The following VPS13C variants were observed in gnomAD, a reference collection of about 807,000 sequenced individuals.
VPS13C encodes the protein vacuolar protein sorting 13 homolog C, also known as intermembrane lipid transfer protein VPS13C.
VPS13C carries 358 observed loss-of-function variants against 456.8 expected under a neutral mutation model. The observed-to-expected ratio is 0.78, with a 90% CI of 0.72 to 0.86. The LOEUF is 0.86. Among genes scored for constraint, VPS13C ranks in the 40% least tolerant of loss-of-function variants. The pLI, the probability that VPS13C is intolerant of heterozygous loss-of-function variation, is 0.00. For missense variants in VPS13C, 4,818 were observed against 4,385.4 expected, an observed-to-expected ratio of 1.10 and a Z score of -2.79; for synonymous variants, 1,578 against 1,486.7, an observed-to-expected ratio of 1.06 and a Z score of -1.41.
At chr15:61,972,026 T>C (rs182361511) in intron 27 of VPS13C, among the ~76,000 whole-genome samples, 150 of 152,330 alleles carry the variant, frequency 9.8e-4, no homozygotes, top group African/African-American at 3.0e-3. Flanking sequence ...CAGGCATGTA[T>C]AAAAACCTGT....
At chr15:62,023,568 T>C (rs1457844756) in intron 7 of VPS13C, 48 bp from the exon 8 acceptor site, 25 of 1,380,726 alleles carry the variant, frequency 1.8e-5, no homozygotes, top group Non-Finnish European at 2.1e-5. Flanking sequence ...AATTCTCATA[T>C]ACCTCAAAAT....
At chr15:61,934,107 T>C in intron 49 of VPS13C, 112 bp downstream of exon 49, 4 of 565,478 alleles carry the variant, frequency 7.1e-6, no homozygotes, top group South Asian at 9.4e-5. Flanking sequence ...TAGAATTTTA[T>C]AGACATATTA....
At chr15:62,013,804 G>A (rs968267962) in intron 10 of VPS13C, 129 bp downstream of exon 10, 2 of 611,864 alleles carry the variant, frequency 3.3e-6, no homozygotes, top group Admixed American at 6.1e-5. Context: ...GTAAGTAGCA[G>A]GGCCAAAACT....
chr15:62,022,726 T>C (rs1173642305), intron 8 of VPS13C, among the ~76,000 whole-genome samples: 1 of 151,950 alleles, frequency 6.6e-6, no homozygotes, highest in Non-Finnish European at 1.5e-5. Flanking sequence ...GAATGCAAAC[T>C]CATTTTTAGA....
At chr15:62,012,191 A>G in intron 11 of VPS13C, 27 bp from the exon 12 acceptor site, 1 of 1,389,548 alleles carries the variant, frequency 7.2e-7, no homozygotes, top group Non-Finnish European at 1.0e-6. Context: ...AATGAGAATG[A>G]AAAAGAAAAT....
At chr15:61,865,444 A>G in intron 81 of VPS13C, 1 of 984,666 alleles carries the variant, frequency 1.0e-6, no homozygotes, top group South Asian at 4.7e-5. Flanking sequence ...TAAAACTAAA[A>G]AGCAAGAAAT....
At position 61,876,982 on chromosome 15, in the gene VPS13C, G is replaced by T. The variant is rs1895471158; in HGVS notation, c.10215C>A (p.Tyr3405Ter). The change falls in exon 75 of 85, where the codon TAC (tyrosine) becomes TAA (stop). Residue 3405 changes from tyrosine to a stop codon, truncating the protein, a stop_gained. Coordinates refer to ENST00000644861, the MANE Select transcript of VPS13C (RefSeq NM_020821.3). LOFTEE classifies it high-confidence loss of function. The part of the protein sequence containing the change: ...DQLIWSVVRH[Y>*]SEQFLKQMYV... ...TATGATAGGAAATTACCTGTTCACTGTAATGCCTAACAACACTCCATATAA... is the reference window on the plus strand; with the variant it reads ...TATGATAGGAAATTACCTGTTCACTTTAATGCCTAACAACACTCCATATAA... 6.2e-7 allele frequency: 1 copy of T among 1,603,340 alleles called. No homozygotes were observed. The highest frequency in any genetic ancestry group is 8.5e-7 in the Non-Finnish European group (1 of 1,174,302).
intron 9 of VPS13C, among the ~76,000 whole-genome samples, chr15:62,017,594 G>A (rs1444020271): frequency 1.3e-5 from 2 of 152,146 alleles, no homozygotes; most frequent in Non-Finnish European, 2.9e-5. Flanking sequence ...TCAGATAGTT[G>A]TAGATGTGTG....
chr15:62,011,975 T>C (rs1218499843), intron 12 of VPS13C, 132 bp downstream of exon 12: 1 of 564,236 alleles, frequency 1.8e-6, no homozygotes, highest in East Asian at 3.4e-5. Flanking sequence ...CCCAAACATG[T>C]TGTATCATAA....
chr15:61,951,708 G>A, intron 39 of VPS13C, 116 bp downstream of exon 39: 1 of 1,143,734 alleles, frequency 8.7e-7, no homozygotes, highest in South Asian at 2.3e-5. Context: ...GAAAAGTTGA[G>A]TTAATGTACT....
intron 18 of VPS13C, among the ~76,000 whole-genome samples, chr15:61,988,566 A>C (rs1488511474): frequency 1.3e-5 from 2 of 152,228 alleles, no homozygotes; most frequent in African/African-American, 2.4e-5. Flanking sequence ...TGAAAATCTC[A>C]AGTTTTTATA....
At position 61,984,892 on chromosome 15, in the gene VPS13C, A is replaced by G. The variant is rs1237379835; in HGVS notation, c.1686T>C (p.Thr562=). ...ILKIQIIGLG[T]QVSQRPGAQA... is the part of the protein sequence containing the mutation. ...GTGCTCCTGGTCGCTGAGATACTTG[A>G]GTGCCCAGGCCAATTATCTGAATTT... The change falls in exon 19 of 85, where the codon ACT becomes ACC. Residue 562 remains threonine (T), a synonymous_variant. Transcript: ENST00000644861. The G allele has an allele frequency of 3.1e-6, 5 of 1,613,434 alleles. No homozygotes were observed. The highest frequency in any genetic ancestry group is 4.2e-6 in the Non-Finnish European group (5 of 1,179,794).
rs552834265 is a variant in VPS13C at position 61,897,396 on chromosome 15, G to A, written c.9106-6996C>T. Among the ~76,000 whole-genome samples the A allele has an allele frequency of 2.0e-5, 3 of 152,254 alleles. No individual in the cohort carries two copies. In the South Asian group the frequency reaches 6.2e-4, roughly 32 times the overall value. On this transcript the variant is annotated intron_variant, in intron 66 of 84. Coordinates refer to ENST00000644861, the MANE Select transcript of VPS13C (RefSeq NM_020821.3). ...GTATAACTAGAATAACCAATACAGA[G>A]AAGTGATTAAAGGAACTGATGGAGC...
intron 84 of VPS13C, 45 bp from the exon 85 acceptor site, chr15:61,854,603 G>C (rs1893807437): frequency 1.9e-6 from 3 of 1,587,828 alleles, no homozygotes; most frequent in East Asian, 4.5e-5. Context: ...ACAAGTATAG[G>C]CTCATTTGGT....
chr15:61,904,264 T>A (rs2043089861), intron 66 of VPS13C, among the ~76,000 whole-genome samples: 1 of 149,616 alleles, frequency 6.7e-6, no homozygotes, highest in Admixed American at 6.7e-5. Context: ...TATAAGGAAC[T>A]CAAAACACTC....
chr15:61,974,215 C>T, intron 25 of VPS13C, 73 bp downstream of exon 25: 1 of 1,418,052 alleles, frequency 7.1e-7, no homozygotes, highest in Non-Finnish European at 9.3e-7. Flanking sequence ...ATAAACCTTG[C>T]CCTGAAACTG....
intron 79 of VPS13C, among the ~76,000 whole-genome samples, chr15:61,871,066 T>C (rs1894990833): frequency 6.6e-6 from 1 of 152,206 alleles, no homozygotes; most frequent in Non-Finnish European, 1.5e-5. Context: ...GTCTTTTCCC[T>C]GTCTTCATGG....
chr15:61,963,251 T>A (rs114661698), intron 32 of VPS13C, among the ~76,000 whole-genome samples: 4,961 of 152,044 alleles, frequency 0.033, 213 homozygotes, highest in African/African-American at 0.1. Context: ...AGTTTTTAAG[T>A]TCTTAAAAAA....
chr15:61,908,708 T>C (rs1310807105), intron 65 of VPS13C, among the ~76,000 whole-genome samples: 1 of 152,200 alleles, frequency 6.6e-6, no homozygotes, highest in African/African-American at 2.4e-5. Context: ...GGAAATTTGG[T>C]ATCAAAACTC....
Sources: allele counts gnomAD v4.1 joint callset (sites outside exome capture counted in the v4.1 genomes callset), GRCh38; gene constraint gnomAD v4.1.1; transcripts MANE v1.5; gene names NCBI Gene and HGNC (gene_info 2026-07-23, HGNC 2026-07-21).